Variants in RNF111 observed in about 807,000 individuals in gnomAD.
RNF111 encodes the protein ring finger protein 111.
Under a neutral mutation model 95.1 loss-of-function variants are expected in RNF111, and 17 were observed. The observed-to-expected ratio is 0.18, with a 90% CI of 0.12 to 0.27. The LOEUF is 0.27. Ranked by LOEUF, RNF111 falls within the 10% of genes least tolerant of loss-of-function variation. The pLI, the probability that RNF111 is intolerant of heterozygous loss-of-function variation, is 1.00. For synonymous variants in RNF111, 440 were observed against 414.8 expected, an observed-to-expected ratio of 1.06 and a Z score of -0.74; for missense variants, 1,189 against 1,210.4, an observed-to-expected ratio of 0.98 and a Z score of 0.26.
intron 10 of RNF111, among the ~76,000 whole-genome samples, chr15:59,086,375 T>C (rs745693767): frequency 6.6e-6 from 1 of 152,228 alleles, no homozygotes; most frequent in Non-Finnish European, 1.5e-5. Flanking sequence ...CACCTTGGCC[T>C]CCCAAAGTGC....
At chr15:59,028,982 G>A (rs1302939327) in intron 1 of RNF111, among the ~76,000 whole-genome samples, 1 of 152,030 alleles carries the variant, frequency 6.6e-6, no homozygotes. Context: ...GTTTCACCAT[G>A]TTGGCCAGGC....
rs188531933 is a variant in RNF111 at position 59,029,110 on chromosome 15, G to A, written c.-19-1694G>A. On this transcript the variant is annotated intron_variant, in intron 1 of 13. Coordinates refer to ENST00000348370, the MANE Select transcript of RNF111 (RefSeq NM_017610.8). The stretch of plus-strand genomic sequence containing the variant: ...TTAATTTTTGAGGATCTGCTAGACC[G>A]CTTCCCAAAGTAGCTTGTATCATTT... Among the ~76,000 whole-genome samples, 16 of 152,134 alleles carry A rather than the reference G, an allele frequency of 1.1e-4. No individual in the cohort carries two copies. In the East Asian group the frequency reaches 2.7e-3, roughly 26 times the overall value.
At chr15:59,084,788 C>G (rs1299252959) in intron 9 of RNF111, among the ~76,000 whole-genome samples, 1 of 152,132 alleles carries the variant, frequency 6.6e-6, no homozygotes, top group African/African-American at 2.4e-5. Flanking sequence ...CACCCTCTCC[C>G]CAGCCTCTGG....
intron 5 of RNF111, among the ~76,000 whole-genome samples, chr15:59,060,804 A>ATT (rs201040277): frequency 2.4e-4 from 35 of 147,242 alleles, no homozygotes; most frequent in African/African-American, 7.1e-4. Flanking sequence ...TATTATTATT[A>ATT]TTATTTTTTT....
intron 1 of RNF111, among the ~76,000 whole-genome samples, chr15:59,018,200 C>T (rs2040163124): frequency 6.6e-6 from 1 of 152,104 alleles, no homozygotes; most frequent in Admixed American, 6.5e-5. Context: ...AAGATGGGTT[C>T]AAAAACAACA....
At chr15:59,052,569 ATTTTTTTTT>A in intron 3 of RNF111, 138 bp downstream of exon 3, 2 of 248,818 alleles carry the variant, frequency 8.0e-6, no homozygotes, top group South Asian at 2.3e-4. Context: ...AGATTAGTGG[ATTTTTTTTT>A]TTTTTTTTTT....
chr15:59,054,890 C>G (rs906081621), intron 3 of RNF111, among the ~76,000 whole-genome samples: 13 of 152,148 alleles, frequency 8.5e-5, no homozygotes, highest in Non-Finnish European at 1.9e-4. Context: ...GTTTTATTGG[C>G]CTCACCTTTC....
chr15:59,027,089 A>G (rs1453083589), intron 1 of RNF111, among the ~76,000 whole-genome samples: 1 of 152,230 alleles, frequency 6.6e-6, no homozygotes, highest in East Asian at 1.9e-4. Context: ...AAATTAATGT[A>G]TGGCTGCATG....
intron 1 of RNF111, among the ~76,000 whole-genome samples, chr15:59,015,387 A>G (rs2040018723): frequency 6.6e-6 from 1 of 152,092 alleles, no homozygotes; most frequent in African/African-American, 2.4e-5. Context: ...GAAATATTTT[A>G]TGCATTTTAA....
intron 1 of RNF111, among the ~76,000 whole-genome samples, chr15:58,990,522 CGCCTG>C (rs2038767506): frequency 6.6e-6 from 1 of 152,106 alleles, no homozygotes; most frequent in African/African-American, 2.4e-5. Flanking sequence ...TAGTGGTGTG[CGCCTG>C]TAGTCCCAGC....
rs2043157218 is a variant in RNF111 at position 59,076,165 on chromosome 15, C to G, written c.1898C>G (p.Pro633Arg). The change falls in exon 7 of 14, where the codon CCC becomes CGC. Residue 633 changes from proline to arginine, a missense_variant. Coordinates refer to ENST00000348370, the MANE Select transcript of RNF111 (RefSeq NM_017610.8). Reference sequence around the variant, plus strand: ...ATGGTTGCGCAGCCCCAGCCCCAGCCCCCTCCACAGCCCTCTCTCTCATCA... The same window carrying G: ...ATGGTTGCGCAGCCCCAGCCCCAGCGCCCTCCACAGCCCTCTCTCTCATCA... ...SSMVAQPQPQ[P>R]PPQPSLSSCR... is the part of the protein sequence containing the mutation. The G allele has an allele frequency of 1.9e-6, 3 of 1,613,816 alleles. No homozygotes were observed. Among genetic ancestry groups the G allele is most frequent in the Admixed American group, 3.3e-5 (2 of 60,000 alleles).
chr15:59,022,848 T>C (rs754021714), intron 1 of RNF111, among the ~76,000 whole-genome samples: 3 of 152,154 alleles, frequency 2.0e-5, no homozygotes, highest in Non-Finnish European at 4.4e-5. Flanking sequence ...AGGTTTTACT[T>C]TGGATCTGAG....
At chr15:59,070,055 T>TAA (rs2042847653) in intron 6 of RNF111, among the ~76,000 whole-genome samples, 1 of 122,830 alleles carries the variant, frequency 8.1e-6, no homozygotes, top group Non-Finnish European at 1.7e-5. Flanking sequence ...TTTTTTTTTT[T>TAA]TTTTAGAGAG....
chr15:59,078,043 A>G (rs76526951), intron 7 of RNF111, among the ~76,000 whole-genome samples: 2,483 of 152,318 alleles, frequency 0.016, 46 homozygotes, highest in East Asian at 0.037. Context: ...GGCATAGTAG[A>G]GCACTAGCTT....
At position 59,081,063 on chromosome 15, in the gene RNF111, C is replaced by A. The variant is rs373003108; in HGVS notation, c.2076C>A (p.Phe692Leu). The change falls in exon 8 of 14, where the codon TTC becomes TTA. Residue 692 changes from phenylalanine to leucine, a missense_variant. Physicochemically the swap from Phe to Leu is conservative, Grantham distance 22. Coordinates refer to ENST00000348370, the MANE Select transcript of RNF111 (RefSeq NM_017610.8). ...TTATTCCTCATCCTGTACATGCTTT[C>A]CATTCTCAAATATCTTCTCATGCAA... ...DYVIPHPVHA[F>L]HSQISSHATS... 1.2e-6 allele frequency: 2 copies of A among 1,614,026 alleles called. No homozygotes were observed. Among genetic ancestry groups the A allele is most frequent in the African/African-American group, 2.7e-5 (2 of 74,910 alleles).
chr15:59,009,482 G>C (rs1204017652), intron 1 of RNF111, among the ~76,000 whole-genome samples: 3 of 149,644 alleles, frequency 2.0e-5, no homozygotes, highest in African/African-American at 7.4e-5. Flanking sequence ...AAAGTTTTCT[G>C]ATCTGAAATT....
intron 1 of RNF111, among the ~76,000 whole-genome samples, chr15:59,027,181 G>A (rs940258042): frequency 7.2e-5 from 11 of 152,042 alleles, no homozygotes; most frequent in African/African-American, 1.4e-4. Flanking sequence ...TAGTAATTAC[G>A]GATGAGGAGT....
Position 59,031,337 on chromosome 15 carries a change from C to T in RNF111, c.515C>T (p.Ala172Val). Reference protein sequence around the residue: ...SVRHSQTILNAKSRSHSARSH... With the variant: ...SVRHSQTILNVKSRSHSARSH... ...AGACATTCCCAGACCATTTTGAATGCTAAAAGTAGAAGCCATAGTGCACGG... is the reference window on the plus strand; with the variant it reads ...AGACATTCCCAGACCATTTTGAATGTTAAAAGTAGAAGCCATAGTGCACGG... The change falls in exon 2 of 14, where the codon GCT becomes GTT. Residue 172 changes from alanine (A) to valine (V), a missense_variant. By Grantham distance (64) the Ala-to-Val change is moderately conservative. This residue lies in a region of RNF111 where 1,024 missense variants were observed against 925.9 expected (regional missense o/e 1.11). Coordinates refer to ENST00000348370, the MANE Select transcript of RNF111 (RefSeq NM_017610.8). 6.2e-7 allele frequency: 1 copy of T among 1,614,104 alleles called. No individual in the cohort carries two copies.
chr15:59,036,916 A>G lies in RNF111; in HGVS notation c.880+5214A>G, dbSNP rs570302535. On this transcript the variant is annotated intron_variant, in intron 2 of 13. Transcript: ENST00000348370. ...GCAATTATGACTCGCTGCAGCCTCA[A>G]CCTCCTTGGGCTCAGGTGATCCTCC... Among the ~76,000 whole-genome samples the G allele has an allele frequency of 1.3e-4, 20 of 151,332 alleles. 1 individual carries two copies. The highest frequency in any genetic ancestry group is 4.6e-4 in the Admixed American group (7 of 15,216).
Sources: gnomAD v4.1 joint callset for allele counts (sites outside exome capture counted in the v4.1 genomes callset) on GRCh38, gnomAD v4.1.1 for gene constraint, gnomAD v4.1.1 regional missense constraint, MANE v1.5 for transcripts, NCBI Gene and HGNC (gene_info 2026-07-23, HGNC 2026-07-21) for gene names.